Variants in PCDHGA7 observed in about 807,000 individuals in gnomAD.
PCDHGA7 encodes protocadherin gamma subfamily A, 7.
In PCDHGA7, 44 loss-of-function variants were observed where a neutral mutation model predicts 58.3. The ratio of observed to expected loss-of-function variants is 0.75; its 90% CI spans 0.59 to 0.97. The LOEUF is 0.97. PCDHGA7 is among the 50% of genes least tolerant of loss of function. PCDHGA7 has a pLI of 0.00. For synonymous variants in PCDHGA7, 516 were observed against 504.2 expected (o/e 1.02, Z -0.31); for missense variants, 1,266 against 1,188.7 (o/e 1.06, Z -0.96).
chr5:141,405,120 A>G (rs1223444295), intron 1 of PCDHGA7: 2 of 1,613,938 alleles, frequency 1.2e-6, no homozygotes, highest in Non-Finnish European at 1.7e-6. Context: ...CACTCCTCGC[A>G]TCTGCTGCGG....
intron 1 of PCDHGA7, among the ~76,000 whole-genome samples, chr5:141,465,966 C>T (rs904439039): frequency 5.3e-5 from 8 of 151,802 alleles, no homozygotes; most frequent in Non-Finnish European, 1.0e-4. Context: ...ACTAAAAATA[C>T]AAAAAATTAG....
At position 141,385,002 on chromosome 5, in the gene PCDHGA7, C is replaced by T; in HGVS notation, c.2103C>T (p.Ser701=). 1 of 1,614,138 alleles carries T rather than the reference C, an allele frequency of 6.2e-7. No homozygotes were observed. Among genetic ancestry groups the T allele is most frequent in the Admixed American group, 1.7e-5 (1 of 60,034 alleles). ...TGGTGGTGGCGGTGGCCACAGTCTC[C>T]TGCGTCTTCCTAGCCTTCGTCCTCG... ...LYLVVAVATV[S]CVFLAFVLVL... The change falls in exon 1 of 4, where the codon TCC becomes TCT. Residue 701 remains serine, a synonymous_variant. Coordinates refer to ENST00000518325, the MANE Select transcript of PCDHGA7 (RefSeq NM_018920.4).
At position 141,476,602 on chromosome 5, in the gene PCDHGA7, C is replaced by T; in HGVS notation, c.2425-18205C>T. 6.2e-7 allele frequency: 1 copy of T among 1,614,208 alleles called. No homozygotes were observed. Among genetic ancestry groups the T allele is most frequent in the Middle Eastern group, 1.6e-4 (1 of 6,062 alleles). Reference sequence around the variant, plus strand: ...TTCCGCTCGAGAGCGCGCACGATCCCGATGTGGGAAGCAACTCTTTACAAA... The same window carrying T: ...TTCCGCTCGAGAGCGCGCACGATCCTGATGTGGGAAGCAACTCTTTACAAA... On this transcript the variant is annotated intron_variant, in intron 1 of 3. Coordinates refer to ENST00000518325, the MANE Select transcript of PCDHGA7 (RefSeq NM_018920.4). The surrounding 1 kb of genome is among the most constrained non-coding windows in gnomAD (Gnocchi z 7.6).
chr5:141,395,107 A>G (rs2093174446), intron 1 of PCDHGA7: 1 of 1,614,212 alleles, frequency 6.2e-7, no homozygotes, highest in African/African-American at 1.3e-5. Context: ...GACTCGCGGA[A>G]GAGTCACCTG....
chr5:141,390,429 T>C lies in PCDHGA7; in HGVS notation c.2424+5106T>C, dbSNP rs2092145009. On this transcript the variant is annotated intron_variant, in intron 1 of 3. Transcript: ENST00000518325. ...GTTGTAGTCAGTTAAAAAGCTGTCA[T>C]ATCATTCTACAAAGGAGGAGTAAAG... The C allele has an allele frequency of 6.0e-6, 6 of 1,008,304 alleles. No homozygotes were observed. The South Asian group carries it at 6.8e-5, about 11-fold the overall frequency. The allele number at this position is 1,008,304 out of a possible 1,614,324, so 62.5% of individuals were successfully genotyped here. A position where few individuals can be genotyped will look rare whatever the true frequency, so the allele number is the denominator to read the frequency against.
chr5:141,418,599 A>C, intron 1 of PCDHGA7: 2 of 1,614,054 alleles, frequency 1.2e-6, no homozygotes. Context: ...CAGGACGTGT[A>C]CAGGGTTAGC....
In PCDHGA7 at chr5:141,486,752, C is replaced by G. The variant is rs776406247; in HGVS notation, c.2425-8055C>G. On this transcript the variant is annotated intron_variant, in intron 1 of 3. Transcript: ENST00000518325. The surrounding 1 kb of genome is among the most constrained non-coding windows in gnomAD (Gnocchi z 5.0). ...TGCTACTCGATCCTTTGACTATGAG[C>G]AAACCCAGACACTGCAGTTTGAGGT... 6.2e-7 allele frequency: 1 copy of G among 1,614,244 alleles called. No individual in the cohort carries two copies. The highest frequency in any genetic ancestry group is 1.3e-5 in the African/African-American group (1 of 75,080).
At chr5:141,403,281 T>A in intron 1 of PCDHGA7, 1 of 1,613,908 alleles carries the variant, frequency 6.2e-7, no homozygotes, top group Non-Finnish European at 8.5e-7. Context: ...AAAGTCCTGG[T>A]TGAAGACAGA....
rs200317374 is a variant in PCDHGA7 at position 141,408,395 on chromosome 5, A to G, written c.2424+23072A>G. On this transcript the variant is annotated intron_variant, in intron 1 of 3. Coordinates refer to ENST00000518325, the MANE Select transcript of PCDHGA7 (RefSeq NM_018920.4). ...CAGTGTCCTGGATGTGTCGGCTCGC[A>G]AGCTGCGAGTGAGCGCGGAGAAGCT... 8.8e-3 allele frequency: 14,159 copies of G among 1,613,888 alleles called. 310 individuals are homozygous for G. Among genetic ancestry groups the G allele is most frequent in the South Asian group, 0.064 (5,857 of 91,072 alleles).
intron 2 of PCDHGA7, among the ~76,000 whole-genome samples, chr5:141,502,401 G>A (rs191747075): frequency 2.0e-5 from 3 of 151,874 alleles, no homozygotes; most frequent in Admixed American, 1.3e-4. Flanking sequence ...AAATGTCCCC[G>A]AACCTGGATT....
chr5:141,419,013 G>A, intron 1 of PCDHGA7: 2 of 1,613,958 alleles, frequency 1.2e-6, no homozygotes, highest in South Asian at 2.2e-5. Flanking sequence ...GTCAGGTGTA[G>A]CTTAAGTAGA....
At position 141,437,741 on chromosome 5, in the gene PCDHGA7, C is replaced by CTT. The variant is rs35124340; in HGVS notation, c.2424+52432_2424+52433dup. 4.3e-3 allele frequency among the ~76,000 whole-genome samples: 606 copies of CTT among 141,726 alleles called. 5 individuals are homozygous for CTT. The highest frequency in any genetic ancestry group is 0.012 in the Admixed American group (164 of 14,230). 93.0% of individuals were successfully genotyped at this position (141,726 alleles called of 152,430 possible). A position where few individuals can be genotyped will look rare whatever the true frequency, so the allele number is the denominator to read the frequency against. On this transcript the variant is annotated intron_variant, in intron 1 of 3. Transcript: ENST00000518325. ...CTCTAATGTTACACTTTGAGTTCAC[C>CTT]TTTTTTTTTTTTTTTGAGACAGAGT...
At chr5:141,460,502 G>A (rs1300155108) in intron 1 of PCDHGA7, among the ~76,000 whole-genome samples, 1 of 152,094 alleles carries the variant, frequency 6.6e-6, no homozygotes, top group Non-Finnish European at 1.5e-5. Flanking sequence ...AAAATATGCT[G>A]AGAAGGCTAT....
intron 1 of PCDHGA7, among the ~76,000 whole-genome samples, chr5:141,454,658 G>A (rs961640658): frequency 7.2e-5 from 11 of 151,812 alleles, no homozygotes; most frequent in Admixed American, 6.6e-5. Context: ...TGCCCACCTC[G>A]GCCTCCCAAA....
chr5:141,425,530 A>G (rs1485711838), intron 1 of PCDHGA7, among the ~76,000 whole-genome samples: 1 of 152,246 alleles, frequency 6.6e-6, no homozygotes, highest in Non-Finnish European at 1.5e-5. Flanking sequence ...ACATGAAACA[A>G]TAATCCTTTT....
intron 1 of PCDHGA7, chr5:141,415,014 C>T (rs747951360): frequency 1.2e-6 from 2 of 1,613,620 alleles, no homozygotes; most frequent in Non-Finnish European, 1.7e-6. Context: ...ACCGTCTGCT[C>T]AAGGCCAGCG....
intron 1 of PCDHGA7, among the ~76,000 whole-genome samples, chr5:141,462,430 T>C (rs1471523013): frequency 2.0e-5 from 3 of 152,230 alleles, no homozygotes; most frequent in African/African-American, 4.8e-5. Flanking sequence ...TTGGTGAGTG[T>C]TGCTTACACA....
At chr5:141,418,877 G>T in intron 1 of PCDHGA7, 1 of 1,613,960 alleles carries the variant, frequency 6.2e-7, no homozygotes, top group Non-Finnish European at 8.5e-7. Context: ...AGTTGTAGAC[G>T]AAAACGACAA....
At chr5:141,438,400 T>C (rs2154557880) in intron 1 of PCDHGA7, among the ~76,000 whole-genome samples, 1 of 151,918 alleles carries the variant, frequency 6.6e-6, no homozygotes, top group Non-Finnish European at 1.5e-5. Context: ...TCATTAACTC[T>C]CTGAAGTATT....
Sources: allele counts gnomAD v4.1 joint callset (sites outside exome capture counted in the v4.1 genomes callset), GRCh38; gene constraint gnomAD v4.1.1; non-coding constraint Gnocchi (gnomAD v3.1); transcripts MANE v1.5; gene names NCBI Gene and HGNC (gene_info 2026-07-23, HGNC 2026-07-21).